Variants in SYNE1 observed in about 807,000 individuals in gnomAD.
The protein encoded by SYNE1 is nesprin-1.
In SYNE1, 616 loss-of-function variants were observed where a neutral mutation model predicts 1,111.0. The observed-to-expected ratio is 0.55, with a 90% confidence interval of 0.52 to 0.59. SYNE1 has a LOEUF of 0.59. SYNE1 is among the 20% of genes least tolerant of loss of function. The pLI is 0.00. For missense variants in SYNE1, 10,006 were observed against 10,417.0 expected (o/e 0.96, Z 1.72); for synonymous variants, 3,855 against 3,825.8 (o/e 1.01, Z -0.28).
In SYNE1 at chr6:152,427,673, T is replaced by A. The variant is rs1380052653; in HGVS notation, c.5100+20A>T. 2 of 1,613,970 alleles carry A rather than the reference T, an allele frequency of 1.2e-6. No homozygotes were observed. Among genetic ancestry groups the A allele is most frequent in the Non-Finnish European group, 1.7e-6 (2 of 1,179,976 alleles). On this transcript the variant is annotated intron_variant, in intron 38 of 145. Transcript: ENST00000367255. ...AAAAAGCATTTTATTTTTTCCTTCC[T>A]CACACTTCCTTGAACTTGCCTGTAT...
At chr6:152,541,242 T>A (rs908124488) in intron 3 of SYNE1, among the ~76,000 whole-genome samples, 1 of 152,230 alleles carries the variant, frequency 6.6e-6, no homozygotes, top group Non-Finnish European at 1.5e-5. Context: ...CAATATTGAT[T>A]CTTCTCATCC....
chr6:152,183,506 C>T (rs1261266266), intron 128 of SYNE1, among the ~76,000 whole-genome samples: 2 of 152,056 alleles, frequency 1.3e-5, no homozygotes, highest in Non-Finnish European at 2.9e-5. Context: ...GAGGCTGAGG[C>T]AGGAGAATCG....
In SYNE1 at chr6:152,310,854, T is replaced by C. The variant is rs1562966598; in HGVS notation, c.16730A>G (p.Lys5577Arg). ...ILHQTLLEES[K>R]EIDSELEAMT... is the part of the protein sequence containing the mutation. ...TGCTTCCAGCTCACTGTCAATTTCT[T>C]TGGATTCTTCTAGCAGGGTCTAGAG... The change falls in exon 88 of 146, where the codon AAA becomes AGA. Residue 5577 changes from lysine to arginine, a missense_variant. This residue lies in a region of SYNE1 where 4,955 missense variants were observed against 5,017.2 expected (regional missense o/e 0.99). Coordinates refer to ENST00000367255, the MANE Select transcript of SYNE1 (RefSeq NM_182961.4). The C allele has an allele frequency of 6.2e-7, 1 of 1,613,846 alleles. No individual in the cohort carries two copies. Among genetic ancestry groups the C allele is most frequent in the Admixed American group, 1.7e-5 (1 of 59,992 alleles).
chr6:152,389,229 G>A (rs975995935), intron 53 of SYNE1, among the ~76,000 whole-genome samples: 1 of 152,012 alleles, frequency 6.6e-6, no homozygotes, highest in Non-Finnish European at 1.5e-5. Context: ...AGGTTCAAAG[G>A]TACGTGTGCA....
chr6:152,354,810 T>C lies in SYNE1; in HGVS notation c.10775A>G (p.Gln3592Arg). 1 of 1,614,224 alleles carries C rather than the reference T, an allele frequency of 6.2e-7. No homozygotes were observed. Among genetic ancestry groups the C allele is most frequent in the Non-Finnish European group, 8.5e-7 (1 of 1,180,046 alleles). Reference sequence around the variant, plus strand: ...CAATTTGTTCACCACGTTATTGAACTGAGTTCGAGTCTCGGACAGCCTGTG... The same window carrying C: ...CAATTTGTTCACCACGTTATTGAACCGAGTTCGAGTCTCGGACAGCCTGTG... ...YQHRLSETRT[Q>R]FNNVVNKLRL... is the part of the protein sequence containing the mutation. The change falls in exon 67 of 146, where the codon CAG (glutamine) becomes CGG (arginine). Residue 3592 changes from glutamine to arginine, a missense_variant. Physicochemically the swap from Gln to Arg is conservative, Grantham distance 43 (BLOSUM62 1). Around this residue, in one of 7 missense-constraint regions of SYNE1, gnomAD observed 4,955 missense variants for 5,017.2 expected, o/e 0.99. Coordinates refer to ENST00000367255, the MANE Select transcript of SYNE1 (RefSeq NM_182961.4).
At chr6:152,301,832 C>A (rs1240882347) in intron 92 of SYNE1, 37 bp downstream of exon 92, 3 of 1,574,754 alleles carry the variant, frequency 1.9e-6, no homozygotes, top group African/African-American at 1.4e-5. Context: ...AGGCTCCAGT[C>A]AAAGAGCAAA....
intron 102 of SYNE1, among the ~76,000 whole-genome samples, chr6:152,256,022 C>G (rs2090722110): frequency 6.6e-6 from 1 of 152,072 alleles, no homozygotes; most frequent in Non-Finnish European, 1.5e-5. Context: ...TTACTTGAAC[C>G]CAGGAGGTGG....
chr6:152,527,164 A>G (rs547286258), intron 4 of SYNE1, among the ~76,000 whole-genome samples: 1 of 152,150 alleles, frequency 6.6e-6, no homozygotes, highest in Non-Finnish European at 1.5e-5. Context: ...TCTTTCTTTA[A>G]AAAATAATGT....
intron 12 of SYNE1, among the ~76,000 whole-genome samples, chr6:152,486,290 A>C (rs2098940040): frequency 6.6e-6 from 1 of 152,218 alleles, no homozygotes; most frequent in Admixed American, 6.5e-5. Flanking sequence ...CAGGATTCTG[A>C]GTGAAAAAAC....
chr6:152,346,948 C>T (rs897982996), intron 73 of SYNE1, 111 bp downstream of exon 73: 2 of 1,360,852 alleles, frequency 1.5e-6, no homozygotes, highest in African/African-American at 1.4e-5. Flanking sequence ...TGGCAACACA[C>T]CAAAACGAAT....
chr6:152,440,507 C>T (rs917491287), intron 32 of SYNE1, among the ~76,000 whole-genome samples: 1 of 151,884 alleles, frequency 6.6e-6, no homozygotes, highest in African/African-American at 2.4e-5. Flanking sequence ...TATTTTGCTC[C>T]AAACTCTACT....
rs781231783 is a variant in SYNE1, at chr6:152,401,209, A to G, written c.6958T>C (p.Phe2320Leu). 6.2e-7 allele frequency: 1 copy of G among 1,614,020 alleles called. No homozygotes were observed. Among genetic ancestry groups the G allele is most frequent in the Non-Finnish European group, 8.5e-7 (1 of 1,180,026 alleles). ...ATCAACGATTCTTCCACTTTTGTGA[A>G]CCATGTTGTTATGTCATTAATAAAC... ...EKFINDITTWFTKVEESLMNC... is the reference protein window; with the variant it reads ...EKFINDITTWLTKVEESLMNC... Residue 2320 changes from phenylalanine (F) to leucine (L), a missense_variant, in exon 47 of 146, where the codon TTC (phenylalanine) becomes CTC (leucine). Phe to Leu is a conservative substitution (Grantham distance 22). Transcript: ENST00000367255.
At chr6:152,250,096 T>C (rs1053704973) in intron 104 of SYNE1, among the ~76,000 whole-genome samples, 19 of 151,864 alleles carry the variant, frequency 1.3e-4, no homozygotes, top group African/African-American at 4.6e-4. Context: ...ACCCGGTCTC[T>C]ACAAAAAGTT....
chr6:152,202,346 C>CAAAAAAAAAA (rs35563822), intron 126 of SYNE1, among the ~76,000 whole-genome samples: 1 of 48,034 alleles, frequency 2.1e-5, no homozygotes, highest in African/African-American at 6.5e-5. Flanking sequence ...GACTCTGTCT[C>CAAAAAAAAAA]AAAAAAAAAA....
chr6:152,300,289 A>G (rs544123618), intron 93 of SYNE1, among the ~76,000 whole-genome samples: 1 of 152,326 alleles, frequency 6.6e-6, no homozygotes, highest in African/African-American at 2.4e-5. Flanking sequence ...AAAGCCATCG[A>G]ATCACGTTAT....
Position 152,368,913 on chromosome 6 carries a change from G to A in SYNE1, c.9807+59C>T. 3 of 1,611,594 alleles carry A rather than the reference G, an allele frequency of 1.9e-6. No individual in the cohort carries two copies. The South Asian group carries it at 3.3e-5, about 18-fold the overall frequency. On this transcript the variant is annotated intron_variant, in intron 61 of 145. Transcript: ENST00000367255. ...CAATGCACACCCTGCAGAACCTGCT[G>A]CAACTCCAATTTTGCGACATCAGTA... is the stretch of plus-strand genomic sequence containing the variant.
In SYNE1 at chr6:152,472,323, G is replaced by T; in HGVS notation, c.1441C>A (p.Gln481Lys). 1 of 1,613,764 alleles carries T rather than the reference G, an allele frequency of 6.2e-7. No individual in the cohort carries two copies. Among genetic ancestry groups the T allele is most frequent in the South Asian group, 1.1e-5 (1 of 91,062 alleles). ...TACCTCTCGGCCATGTCCTCTAATT[G>T]ATCAGGTGGCACTGGAATCCCGTTA... ...SVNGIPVPPD[Q>K]LEDMAERFHF... The change falls in exon 15 of 146, where the codon CAA becomes AAA. Residue 481 changes from glutamine to lysine, a missense_variant. Gln to Lys is a moderately conservative substitution (Grantham distance 53). Transcript: ENST00000367255.
At chr6:152,459,115 T>C (rs976802963) in intron 21 of SYNE1, among the ~76,000 whole-genome samples, 185 bp from the exon 22 acceptor site, 1 of 152,196 alleles carries the variant, frequency 6.6e-6, no homozygotes, top group Admixed American at 6.5e-5. Context: ...AAAATAATAG[T>C]GCTGTACCAC....
chr6:152,566,912 A>G (rs994185521), intron 3 of SYNE1, among the ~76,000 whole-genome samples: 20 of 152,124 alleles, frequency 1.3e-4, no homozygotes, highest in Non-Finnish European at 2.2e-4. Context: ...AAGTTGTATT[A>G]CATGATGTTT....
Sources: gnomAD v4.1 joint callset for allele counts (sites outside exome capture counted in the v4.1 genomes callset) on GRCh38, gnomAD v4.1.1 for gene constraint, gnomAD v4.1.1 regional missense constraint, MANE v1.5 for transcripts, NCBI Gene and HGNC (gene_info 2026-07-23, HGNC 2026-07-21) for gene names.